Variants in IL7 observed in about 807,000 individuals in gnomAD.
IL7 encodes interleukin 7, also known as interleukin-7.
A neutral mutation model predicts 21.6 loss-of-function variants in IL7; 3 were observed. The observed-to-expected ratio is 0.14, with a 90% CI of 0.06 to 0.36. The LOEUF (loss-of-function observed/expected upper bound fraction) is 0.36. Among genes scored for constraint, IL7 ranks in the 10% least tolerant of loss-of-function variants. The pLI is 1.00. For synonymous variants in IL7, 62 were observed against 68.1 expected, an observed-to-expected ratio of 0.91 and a Z score of 0.44; for missense variants, 175 against 200.2, an observed-to-expected ratio of 0.87 and a Z score of 0.76.
At chr8:78,679,395 C>A (rs1003246598) in intron 4 of IL7, 1 of 152,144 alleles carries the variant, frequency 6.6e-6, no homozygotes, top group Non-Finnish European at 1.5e-5. Context: ...TTATGCACAT[C>A]CTCCCATGTG....
chr8:78,740,979 G>C, intron 2 of IL7, among the ~76,000 whole-genome samples: 1 of 152,038 alleles, frequency 6.6e-6, no homozygotes, highest in Non-Finnish European at 1.5e-5. Context: ...CTTATGCACC[G>C]GGTTGGACTA....
intron 3 of IL7, among the ~76,000 whole-genome samples, chr8:78,706,015 C>G (rs533880960): frequency 2.6e-4 from 40 of 152,104 alleles, no homozygotes; most frequent in Non-Finnish European, 5.0e-4. Context: ...ACCTGCTTAA[C>G]CAGCAGTCTG....
intron 5 of IL7, among the ~76,000 whole-genome samples, chr8:78,734,097 CATA>C (rs914602428): frequency 6.6e-6 from 1 of 152,096 alleles, no homozygotes; most frequent in Non-Finnish European, 1.5e-5. Flanking sequence ...TAACAGTGGA[CATA>C]ATAACACTGT....
At chr8:78,712,923 C>T (rs1459866128), downstream of IL7, among the ~76,000 whole-genome samples, 1 of 152,068 alleles carries the variant, frequency 6.6e-6, no homozygotes, top group African/African-American at 2.4e-5. Context: ...ATAAATTTAA[C>T]TAGATAAACA....
intron 1 of IL7, among the ~76,000 whole-genome samples, chr8:78,802,723 A>G (rs1431507948): frequency 6.6e-6 from 1 of 152,158 alleles, no homozygotes; most frequent in East Asian, 1.9e-4. Context: ...TTGAGCCACC[A>G]TGCCTAGTCA....
downstream of IL7, chr8:78,717,498 A>G (rs201476525): frequency 3.1e-4 from 455 of 1,465,762 alleles, 1 homozygote; most frequent in East Asian, 0.011. Context: ...CTATGAATAG[A>G]ATCTCAAAAA....
chr8:78,745,079 C>CA (rs1811933971), intron 2 of IL7, among the ~76,000 whole-genome samples: 1 of 152,228 alleles, frequency 6.6e-6, no homozygotes, highest in African/African-American at 2.4e-5. Context: ...GAGAGCCACT[C>CA]ACACGAGCTG....
chr8:78,694,437 A>G (rs1478804022), intron 3 of IL7, among the ~76,000 whole-genome samples: 1 of 152,120 alleles, frequency 6.6e-6, no homozygotes, highest in Non-Finnish European at 1.5e-5. Flanking sequence ...CCTTTTAGGT[A>G]TCTATGAGTC....
At chr8:78,676,176 G>A (rs767708793) in intron 4 of IL7, 17 of 187,350 alleles carry the variant, frequency 9.1e-5, no homozygotes, top group Non-Finnish European at 9.7e-5. Context: ...ATTATTTACA[G>A]ATACAAAATA....
At chr8:78,686,888 G>A (rs922366820) in intron 3 of IL7, among the ~76,000 whole-genome samples, 1 of 152,076 alleles carries the variant, frequency 6.6e-6, no homozygotes, top group Non-Finnish European at 1.5e-5. Context: ...TTAAATGTGA[G>A]TATTCCAGGA....
chr8:78,715,550 G>A (rs1030608719), downstream of IL7, among the ~76,000 whole-genome samples: 1 of 152,180 alleles, frequency 6.6e-6, no homozygotes, highest in African/African-American at 2.4e-5. Flanking sequence ...GAACGTATGT[G>A]ATTTATGGGA....
chr8:78,755,008 A>G (rs1418376078), intron 2 of IL7, among the ~76,000 whole-genome samples: 1 of 152,074 alleles, frequency 6.6e-6, no homozygotes, highest in African/African-American at 2.4e-5. Flanking sequence ...TGATTCTTAT[A>G]TATGGTGAGA....
Position 78,682,309 on chromosome 8 carries a change from C to T in IL7, n.273+3580G>A, listed in dbSNP as rs555324877. On this transcript the variant is annotated intron_variant and non_coding_transcript_variant, in intron 4 of 4. Coordinates refer to the IL7 transcript ENST00000523959. ...AAATTGGATGCATAGATGTATTAGT[C>T]CATTTTCCTACTGCTATTAAGAAAT... is the stretch of plus-strand genomic sequence containing the variant. Among the ~76,000 whole-genome samples the T allele has an allele frequency of 3.0e-4, 45 of 149,522 alleles. No individual in the cohort carries two copies. The South Asian group carries it at 8.5e-3, about 28-fold the overall frequency.
chr8:78,748,781 T>C lies in IL7; in HGVS notation c.148-8699A>G, dbSNP rs183294045. ...ATTGTTTTGAGGAAGTGGTGGTCCA[T>C]AGTAAATGCCAATTAAAAGGTCAAG... On this transcript the variant is annotated intron_variant, in intron 2 of 5. Coordinates refer to ENST00000263851, the MANE Select transcript of IL7 (RefSeq NM_000880.4). 4.6e-3 allele frequency among the ~76,000 whole-genome samples: 708 copies of C among 152,260 alleles called. 7 individuals carry two copies. Among genetic ancestry groups the C allele is most frequent in the Non-Finnish European group, 7.8e-3 (531 of 68,006 alleles).
At chr8:78,739,706 AG>A (rs1563415094) in intron 3 of IL7, among the ~76,000 whole-genome samples, 1 of 151,350 alleles carries the variant, frequency 6.6e-6, no homozygotes, top group East Asian at 1.9e-4. Flanking sequence ...AAAAAAACAA[AG>A]AAAGAAAGAA....
At chr8:78,769,447 G>C (rs918675874) in intron 2 of IL7, among the ~76,000 whole-genome samples, 8 of 152,088 alleles carry the variant, frequency 5.3e-5, no homozygotes, top group African/African-American at 1.9e-4. Flanking sequence ...GCTTCAAAGA[G>C]AATAAAATAC....
At chr8:78,701,678 T>A (rs1330766916) in intron 3 of IL7, among the ~76,000 whole-genome samples, 2 of 152,230 alleles carry the variant, frequency 1.3e-5, no homozygotes, top group Non-Finnish European at 2.9e-5. Context: ...CAATACCTAG[T>A]TTATTGAGAG....
chr8:78,760,027 A>G (rs1812495703), intron 2 of IL7: 1 of 729,252 alleles, frequency 1.4e-6, no homozygotes, highest in Non-Finnish European at 2.0e-6. Flanking sequence ...TCAATGGCTA[A>G]TGTATTCAAT....
intron 2 of IL7, chr8:78,760,520 T>C (rs1337254235): frequency 1.3e-6 from 2 of 1,537,432 alleles, no homozygotes; most frequent in African/African-American, 2.8e-5. Context: ...TGACAGCGTG[T>C]CAGGATTGGG....
Sources: gnomAD v4.1 joint callset for allele counts (sites outside exome capture counted in the v4.1 genomes callset) on GRCh38, gnomAD v4.1.1 for gene constraint, MANE v1.5 for transcripts, NCBI Gene and HGNC (gene_info 2026-07-23, HGNC 2026-07-21) for gene names.